The following HSPG2 variants were observed in gnomAD, a reference collection of about 807,000 sequenced individuals.
HSPG2 encodes basement membrane-specific heparan sulfate proteoglycan core protein.
HSPG2 carries 278 observed loss-of-function variants against 526.6 expected under a neutral mutation model. The observed-to-expected ratio is 0.53, with a 90% CI of 0.48 to 0.58. The LOEUF is 0.58. Among genes scored for constraint, HSPG2 ranks in the 20% least tolerant of loss-of-function variants. HSPG2 has a pLI of 0.00. For synonymous variants in HSPG2, 2,465 were observed against 2,555.4 expected (o/e 0.96, Z 1.07); for missense variants, 5,354 against 6,099.5 (o/e 0.88, Z 4.07).
chr1:21,831,344 G>C lies in HSPG2; in HGVS notation c.11453-20C>G. The C allele has an allele frequency of 6.2e-7, 1 of 1,610,904 alleles. No homozygotes were observed. The highest frequency in any genetic ancestry group is 8.5e-7 in the Non-Finnish European group (1 of 1,177,120). ...CACAGCCTGGGAGGTGAGTGGGCAG[G>C]ATGAGCACAGGGCAGGGTGTCCCAG... On this transcript the variant is annotated intron_variant, in intron 83 of 96. Coordinates refer to ENST00000374695, the MANE Select transcript of HSPG2 (RefSeq NM_005529.7).
chr1:21,893,429 G>A lies in HSPG2; in HGVS notation c.244+2493C>T, dbSNP rs1642509771. ...CTGGCCTAGCCCCTGGACTCTGCAG[G>A]GAGGTGCCTCTGAGCCTCTTGTGTG... On this transcript the variant is annotated intron_variant, in intron 3 of 96. Coordinates refer to ENST00000374695, the MANE Select transcript of HSPG2 (RefSeq NM_005529.7). The surrounding 1 kb of genome is among the most constrained non-coding windows in gnomAD (Gnocchi z 4.3). Among the ~76,000 whole-genome samples, 1 of 152,352 alleles carries A rather than the reference G, an allele frequency of 6.6e-6. No individual in the cohort carries two copies. The highest frequency in any genetic ancestry group is 1.5e-5 in the Non-Finnish European group (1 of 68,030).
At chr1:21,850,873 T>C (rs12749517) in intron 55 of HSPG2, among the ~76,000 whole-genome samples, 6,165 of 152,256 alleles carry the variant, frequency 0.04, 181 homozygotes, top group South Asian at 0.11. Context: ...CAATAGCTAA[T>C]GGCATTATAG....
chr1:21,866,531 C>T (rs902414545), intron 33 of HSPG2, among the ~76,000 whole-genome samples: 2 of 152,220 alleles, frequency 1.3e-5, no homozygotes, highest in African/African-American at 4.8e-5. Context: ...CAAGATAAAG[C>T]CCTAATGAGC....
rs769070745 is a variant in HSPG2 at position 21,873,428 on chromosome 1, C to T, written c.3744-4G>A. 1 of 1,614,074 alleles carries T rather than the reference C, an allele frequency of 6.2e-7. No individual in the cohort carries two copies. Among genetic ancestry groups the T allele is most frequent in the Non-Finnish European group, 8.5e-7 (1 of 1,179,990 alleles). ...GCCATAGTAGCCAGGGGCGCACCTG[C>T]AGAGAGAAAAAGCCTCTGATGAATT... On this transcript the variant is annotated splice_region_variant and splice_polypyrimidine_tract_variant and intron_variant, in intron 29 of 96. Coordinates refer to ENST00000374695, the MANE Select transcript of HSPG2 (RefSeq NM_005529.7).
chr1:21,873,610 T>C (rs948954509), intron 29 of HSPG2, among the ~76,000 whole-genome samples, 186 bp from the exon 30 acceptor site: 2 of 151,930 alleles, frequency 1.3e-5, no homozygotes, highest in African/African-American at 4.8e-5. Context: ...GCACAGCCAG[T>C]GAATTGGGGC....
intron 43 of HSPG2, 22 bp from the exon 44 acceptor site, chr1:21,857,217 G>T: frequency 1.2e-6 from 2 of 1,614,070 alleles, no homozygotes; most frequent in Admixed American, 1.7e-5. Context: ...GGCGAAAGGG[G>T]GTCATGGGTG....
chr1:21,869,814 C>G (rs749258282), intron 33 of HSPG2, among the ~76,000 whole-genome samples: 4 of 152,242 alleles, frequency 2.6e-5, no homozygotes, highest in Non-Finnish European at 5.9e-5. Context: ...GGCCCTTGTA[C>G]CCACTGCCCT....
chr1:21,882,400 TACAC>T (rs56357321), intron 13 of HSPG2, among the ~76,000 whole-genome samples: 53,460 of 142,428 alleles, frequency 0.38, 11,178 homozygotes, highest in Non-Finnish European at 0.5. Flanking sequence ...CTCTTCTATG[TACAC>T]ACACACACAC....
In HSPG2 at chr1:21,837,010, C is replaced by G. The variant is rs763324083; in HGVS notation, c.10151-4G>C. ...GCAGGGAGAGAGCCGGGAGGGCCTG[C>G]GGGGACATGTATGAGGTTCTGCAGG... On this transcript the variant is annotated splice_polypyrimidine_tract_variant and splice_region_variant and intron_variant, in intron 74 of 96. Coordinates refer to ENST00000374695, the MANE Select transcript of HSPG2 (RefSeq NM_005529.7). 4 of 1,547,240 alleles carry G rather than the reference C, an allele frequency of 2.6e-6. No homozygotes were observed. The highest frequency in any genetic ancestry group is 3.5e-6 in the Non-Finnish European group (4 of 1,147,340).
In HSPG2 at chr1:21,841,136, T is replaced by C. The variant is rs765179413; in HGVS notation, c.9478A>G (p.Thr3160Ala). 1.2e-6 allele frequency: 2 copies of C among 1,613,296 alleles called. No individual in the cohort carries two copies. Among genetic ancestry groups the C allele is most frequent in the South Asian group, 2.2e-5 (2 of 91,038 alleles). ...SSTPAKLEQR[T>A]YGLMDSHAVL... ...GCGTGGCTGTCCATGAGCCCATATG[T>C]CCGCTGCTCCAACTTGGCAGGGGTG... Residue 3160 changes from threonine to alanine, a missense_variant, in exon 71 of 97, where the codon ACA becomes GCA. Coordinates refer to ENST00000374695, the MANE Select transcript of HSPG2 (RefSeq NM_005529.7).
chr1:21,856,774 T>G (rs1347240841), intron 44 of HSPG2, among the ~76,000 whole-genome samples: 1 of 152,210 alleles, frequency 6.6e-6, no homozygotes, highest in Non-Finnish European at 1.5e-5. Flanking sequence ...CATCGCCATG[T>G]GTAGTTATCT....
intron 13 of HSPG2, among the ~76,000 whole-genome samples, chr1:21,884,294 G>T (rs1360488567): frequency 1.3e-5 from 2 of 152,168 alleles, no homozygotes; most frequent in African/African-American, 2.4e-5. Context: ...CTGGCTCCAG[G>T]GCCCGTCCTC....
chr1:21,840,347 C>T (rs1016560256), intron 71 of HSPG2, among the ~76,000 whole-genome samples: 1 of 152,058 alleles, frequency 6.6e-6, no homozygotes, highest in Admixed American at 6.6e-5. Flanking sequence ...GCTCTGTCAC[C>T]CAGGCTGCAG....
chr1:21,841,240 T>C lies in HSPG2; in HGVS notation c.9374A>G (p.Lys3125Arg). 6.2e-7 allele frequency: 1 copy of C among 1,613,864 alleles called. No individual in the cohort carries two copies. Among genetic ancestry groups the C allele is most frequent in the African/African-American group, 1.3e-5 (1 of 75,046 alleles). ...SVLPEGPVWV[K>R]VGKAVTLECV... Reference sequence around the variant, plus strand: ...CTCCAGGGTGACAGCCTTTCCCACTTTCACCCACACGGGGCCCTCGGGGAG... The same window carrying C: ...CTCCAGGGTGACAGCCTTTCCCACTCTCACCCACACGGGGCCCTCGGGGAG... Residue 3125 changes from lysine to arginine, a missense_variant, in exon 71 of 97, where the codon AAA becomes AGA. Physicochemically the swap from Lys to Arg is conservative, Grantham distance 26. Coordinates refer to ENST00000374695, the MANE Select transcript of HSPG2 (RefSeq NM_005529.7).
At chr1:21,845,270 C>G (rs1023292700) in intron 64 of HSPG2, among the ~76,000 whole-genome samples, 1 of 152,094 alleles carries the variant, frequency 6.6e-6, no homozygotes, top group Admixed American at 6.6e-5. Context: ...CAAAAAAAAC[C>G]TTAACTACTT....
In HSPG2 at chr1:21,872,909, C is replaced by A. The variant is rs761373915; in HGVS notation, c.3888+88G>T. ...TGCCCTGCCCCCCATGCCCAGGTCT[C>A]GGCTTCCACCAGATGCTGCCTGATT... On this transcript the variant is annotated intron_variant, in intron 31 of 96. Transcript: ENST00000374695. This position sits in a 1 kb window ranked among gnomAD's most constrained non-coding sequence, Gnocchi z 5.5. The A allele has an allele frequency of 1.6e-5, 24 of 1,545,356 alleles. No individual in the cohort carries two copies. The highest frequency in any genetic ancestry group is 2.1e-5 in the Non-Finnish European group (23 of 1,118,494).
chr1:21,842,033 G>C lies in HSPG2; in HGVS notation c.9162C>G (p.Leu3054=). The change falls in exon 69 of 97, where the codon CTC becomes CTG. Residue 3054 remains leucine, a synonymous_variant. Coordinates refer to ENST00000374695, the MANE Select transcript of HSPG2 (RefSeq NM_005529.7). ...GCTCCTGGTTCCGGGTCTTCCACTC[G>C]AGGCTGATGGGGGCTGCCCCGTCAT... ...LIHDGAAPIS[L]EWKTRNQELE... is the part of the protein sequence containing the mutation. 1 of 1,613,558 alleles carries C rather than the reference G, an allele frequency of 6.2e-7. No homozygotes were observed. Among genetic ancestry groups the C allele is most frequent in the South Asian group, 1.1e-5 (1 of 91,080 alleles).
chr1:21,870,864 C>G (rs1031112961), intron 33 of HSPG2: 1 of 986,196 alleles, frequency 1.0e-6, no homozygotes, highest in African/African-American at 1.7e-5. Flanking sequence ...GCGCAAAGTA[C>G]GCCTCCCCCT....
At chr1:21,915,340 G>A (rs1222636193) in intron 1 of HSPG2, among the ~76,000 whole-genome samples, 1 of 152,250 alleles carries the variant, frequency 6.6e-6, no homozygotes, top group Non-Finnish European at 1.5e-5. Context: ...GGGAATTTCG[G>A]AGCCCGGACA....
Sources: gnomAD v4.1 joint callset for allele counts (sites outside exome capture counted in the v4.1 genomes callset) on GRCh38, gnomAD v4.1.1 for gene constraint, Gnocchi (gnomAD v3.1) non-coding constraint, MANE v1.5 for transcripts, NCBI Gene and HGNC (gene_info 2026-07-23, HGNC 2026-07-21) for gene names.